TRIP12: variants seen among roughly 807,000 people sequenced by gnomAD.
The protein encoded by TRIP12 is E3 ubiquitin-protein ligase TRIP12.
TRIP12 carries 25 observed loss-of-function variants against 244.2 expected under a neutral mutation model. That is an observed-to-expected ratio of 0.10 (90% CI 0.07 to 0.14). The LOEUF (loss-of-function observed/expected upper bound fraction) is 0.14, where lower values mean the gene tolerates loss of function less well. Ranked by LOEUF, TRIP12 falls within the 10% of genes least tolerant of loss-of-function variation. The pLI is 1.00. For missense variants in TRIP12, 1,677 were observed against 2,486.4 expected (o/e 0.67, Z 6.92); for synonymous variants, 905 against 873.1 (o/e 1.04, Z -0.64).
rs1379853938 is a variant in TRIP12, at chr2:229,880,007, G to A, written c.73C>T (p.Pro25Ser). ...CTTCCTCCTATTGAGTCGTCTTGTG[G>A]TTGGGCCCCGGCAGTGTTCCTCTGT... Reference protein sequence around the residue: ...RSQRNTAGAQPQDDSIGGRSH... With the variant: ...RSQRNTAGAQSQDDSIGGRSH... The change falls in exon 2 of 42, where the codon CCA becomes TCA. Residue 25 changes from proline (P) to serine (S), a missense_variant. By Grantham distance (74) the Pro-to-Ser change is moderately conservative. Around this residue, in one of 11 missense-constraint regions of TRIP12, gnomAD observed 387 missense variants for 392.6 expected, o/e 0.99. Transcript: ENST00000675903. The A allele has an allele frequency of 1.9e-6, 3 of 1,613,854 alleles. No individual in the cohort carries two copies. Among genetic ancestry groups the A allele is most frequent in the Non-Finnish European group, 2.5e-6 (3 of 1,179,992 alleles).
chr2:229,910,354 G>A (rs970813716), intron 1 of TRIP12, among the ~76,000 whole-genome samples: 17 of 152,066 alleles, frequency 1.1e-4, no homozygotes, highest in African/African-American at 3.4e-4. Flanking sequence ...TTAGTAATAA[G>A]AAACAAAACC....
chr2:229,873,814 T>C (rs1275131497), intron 2 of TRIP12, among the ~76,000 whole-genome samples: 1 of 152,142 alleles, frequency 6.6e-6, no homozygotes, highest in Non-Finnish European at 1.5e-5. Context: ...TAATACATAA[T>C]TATTAAAACT....
chr2:229,891,015 T>C (rs1029021448), intron 1 of TRIP12, among the ~76,000 whole-genome samples: 1 of 152,152 alleles, frequency 6.6e-6, no homozygotes, highest in African/African-American at 2.4e-5. Flanking sequence ...CAATGTCTCA[T>C]GCCTATAATC....
chr2:229,811,425 C>T (rs1449698616), intron 13 of TRIP12, among the ~76,000 whole-genome samples: 1 of 150,602 alleles, frequency 6.6e-6, no homozygotes, highest in Non-Finnish European at 1.5e-5. Flanking sequence ...GTATAAAGGC[C>T]CCTACTAGAT....
intron 26 of TRIP12, among the ~76,000 whole-genome samples, chr2:229,793,627 C>T (rs762826450): frequency 2.0e-5 from 3 of 152,046 alleles, no homozygotes; most frequent in Non-Finnish European, 2.9e-5. Context: ...TAGTTTTGAA[C>T]GAAGCGGTTT....
intron 34 of TRIP12, among the ~76,000 whole-genome samples, chr2:229,781,373 T>C (rs1034885052): frequency 6.6e-6 from 1 of 152,254 alleles, no homozygotes; most frequent in African/African-American, 2.4e-5. Context: ...CTGGCACTTA[T>C]TATGTGACAA....
At chr2:229,890,907 T>C (rs1485950743) in intron 1 of TRIP12, among the ~76,000 whole-genome samples, 1 of 152,212 alleles carries the variant, frequency 6.6e-6, no homozygotes, top group Non-Finnish European at 1.5e-5. Context: ...TTCAGAGCTG[T>C]ATTTCCCAAA....
rs2042187908 is a variant in TRIP12 at position 229,793,999 on chromosome 2, C to T, written c.3969-854G>A. 1.3e-5 allele frequency among the ~76,000 whole-genome samples: 2 copies of T among 152,106 alleles called. 1 individual carries two copies. The highest frequency in any genetic ancestry group is 2.9e-5 in the Non-Finnish European group (2 of 68,026). The stretch of plus-strand genomic sequence containing the variant: ...ACAAATAGGGATGTGGAGAATATTC[C>T]ATTTTATGAATATATACATATGCAA... On this transcript the variant is annotated intron_variant, in intron 26 of 41. Coordinates refer to ENST00000675903, the MANE Select transcript of TRIP12 (RefSeq NM_001348323.3).
chr2:229,829,614 A>G (rs1224758656), intron 7 of TRIP12, among the ~76,000 whole-genome samples: 1 of 152,236 alleles, frequency 6.6e-6, no homozygotes, highest in Admixed American at 6.5e-5. Flanking sequence ...ATAAAACCAT[A>G]TGAAAACAGT....
At position 229,780,467 on chromosome 2, in the gene TRIP12, G is replaced by A. The variant is rs547574610; in HGVS notation, c.5095-1477C>T. On this transcript the variant is annotated intron_variant, in intron 34 of 41. Transcript: ENST00000675903. The stretch of plus-strand genomic sequence containing the variant: ...TAATCCTTACAAAACACAAGTTCGC[G>A]GCATCCCTTTGCTACTTTCCAAAGG... 7.2e-5 allele frequency among the ~76,000 whole-genome samples: 11 copies of A among 152,138 alleles called. No individual in the cohort carries two copies. The East Asian group carries it at 9.7e-4, about 13-fold the overall frequency.
intron 4 of TRIP12, among the ~76,000 whole-genome samples, chr2:229,856,179 G>A (rs190844577): frequency 9.9e-5 from 15 of 152,240 alleles, no homozygotes; most frequent in East Asian, 3.9e-4. Context: ...CTTAGGCTAC[G>A]ATGAGAGATC....
At chr2:229,770,959 T>A (rs2034081859) in intron 39 of TRIP12, among the ~76,000 whole-genome samples, 1 of 152,150 alleles carries the variant, frequency 6.6e-6, no homozygotes, top group South Asian at 2.1e-4. Context: ...AATTGCCCAG[T>A]CTCGGTTATG....
intron 4 of TRIP12, among the ~76,000 whole-genome samples, chr2:229,841,529 C>T (rs1353153030): frequency 1.3e-5 from 2 of 152,128 alleles, no homozygotes; most frequent in Non-Finnish European, 2.9e-5. Flanking sequence ...GGTCAATAGG[C>T]TCGAAAATGG....
At chr2:229,814,134 TGTATCTTA>T in intron 12 of TRIP12, 91 bp downstream of exon 12, 14 of 1,532,114 alleles carry the variant, frequency 9.1e-6, no homozygotes, top group Non-Finnish European at 1.2e-5. Context: ...AAACAACATT[TGTATCTTA>T]CAAAAACTGC....
chr2:229,922,284 T>G, upstream of TRIP12: 1 of 554,694 alleles, frequency 1.8e-6, no homozygotes, highest in Non-Finnish European at 3.2e-6. Flanking sequence ...CCCCCTCCCC[T>G]CCGTGGTAGC....
rs2060087030 is a variant in TRIP12 at position 229,859,170 on chromosome 2, G to T, written c.629C>A (p.Ala210Glu). 1 of 1,614,124 alleles carries T rather than the reference G, an allele frequency of 6.2e-7. No homozygotes were observed. The highest frequency in any genetic ancestry group is 8.5e-7 in the Non-Finnish European group (1 of 1,180,036). Residue 210 changes from alanine (A) to glutamate (E), a missense_variant, in exon 4 of 42, where the codon GCA becomes GAA. By Grantham distance (107) the Ala-to-Glu change is moderately radical. Around this residue, in one of 11 missense-constraint regions of TRIP12, gnomAD observed 387 missense variants for 392.6 expected, o/e 0.99. Transcript: ENST00000675903. ...KSGSGSESTG[A>E]EERSAKPTKL... ...GGTAGGTTTCGCAGATCTCTCTTCT[G>T]CACCAGTTGATTCAGACCCGGAGCC... is the stretch of plus-strand genomic sequence containing the variant.
chr2:229,911,546 G>A (rs576547546), intron 1 of TRIP12, among the ~76,000 whole-genome samples: 53 of 152,248 alleles, frequency 3.5e-4, no homozygotes, highest in Non-Finnish European at 5.4e-4. Context: ...GGTGACTATA[G>A]TTTAATATAC....
chr2:229,769,881 G>C (rs1283294363), intron 39 of TRIP12, among the ~76,000 whole-genome samples: 1 of 152,178 alleles, frequency 6.6e-6, no homozygotes, highest in Non-Finnish European at 1.5e-5. Context: ...ATGAATATTA[G>C]AAAGCAATAA....
chr2:229,911,190 T>C (rs1342828034), intron 1 of TRIP12, among the ~76,000 whole-genome samples: 1 of 152,238 alleles, frequency 6.6e-6, no homozygotes, highest in African/African-American at 2.4e-5. Flanking sequence ...CCACAAAATG[T>C]TGGACAATAC....
Sources: allele counts gnomAD v4.1 joint callset (sites outside exome capture counted in the v4.1 genomes callset), GRCh38; gene constraint gnomAD v4.1.1; regional missense constraint gnomAD v4.1.1; transcripts MANE v1.5; gene names NCBI Gene and HGNC (gene_info 2026-07-23, HGNC 2026-07-21).